The following B4GALT6 variants were observed in gnomAD, a reference collection of about 807,000 sequenced individuals.
The protein encoded by B4GALT6 is UDP-Gal:beta-GlcNAc beta-1,4-galactosyltransferase 6.
Under a neutral mutation model 46.3 loss-of-function variants are expected in B4GALT6, and 14 were observed. The observed-to-expected ratio is 0.30, with a 90% confidence interval of 0.20 to 0.47. The LOEUF (loss-of-function observed/expected upper bound fraction) is 0.47, where lower values mean the gene tolerates loss of function less well. B4GALT6 is among the 20% of genes least tolerant of loss of function. B4GALT6 has a pLI of 0.99. For synonymous variants in B4GALT6, 168 were observed against 162.0 expected, an observed-to-expected ratio of 1.04 and a Z score of -0.28; for missense variants, 386 against 480.1, an observed-to-expected ratio of 0.80 and a Z score of 1.83.
chr18:31,710,479 T>A, the B4GALT6 span, among the ~76,000 whole-genome samples: 1 of 152,142 alleles, frequency 6.6e-6, no homozygotes, highest in Admixed American at 6.5e-5. Flanking sequence ...CAATGGCAAC[T>A]ATCCTTACAT....
chr18:31,678,072 G>A (rs1278335874), intron 1 of B4GALT6, among the ~76,000 whole-genome samples: 1 of 152,206 alleles, frequency 6.6e-6, no homozygotes. Context: ...CGGACAGGTA[G>A]AGGAGCAGGT....
the B4GALT6 span, among the ~76,000 whole-genome samples, chr18:31,712,287 A>ACTTTTTTTTTT: frequency 5.9e-5 from 5 of 84,646 alleles, no homozygotes; most frequent in Admixed American, 3.3e-4. Context: ...CTGGGACGTT[A>ACTTTTTTTTTT]TTTTTTTTTT....
At chr18:31,668,011 G>A (rs1057072735) in intron 1 of B4GALT6, among the ~76,000 whole-genome samples, 1 of 151,664 alleles carries the variant, frequency 6.6e-6, no homozygotes, top group Non-Finnish European at 1.5e-5. Flanking sequence ...GCAGGAGAAT[G>A]GCTTGAACCC....
At chr18:31,675,921 CAATTAAAATACCTTTCAG>C (rs1484459754) in intron 1 of B4GALT6, among the ~76,000 whole-genome samples, 3 of 152,034 alleles carry the variant, frequency 2.0e-5, no homozygotes, top group Non-Finnish European at 2.9e-5. Flanking sequence ...TGTGTTTTCA[CAATTAAAATACCTTTCAG>C]AATTCCAACT....
chr18:31,634,328 A>C lies in B4GALT6; in HGVS notation c.589-3182T>G, dbSNP rs535435497. On this transcript the variant is annotated intron_variant, in intron 5 of 8. Transcript: ENST00000306851. ...AGTAATGACCTGGCAGTACAAGTAA[A>C]GATGAGCAACTGGGAATGTGGCTGT... is the stretch of plus-strand genomic sequence containing the variant. 4.6e-5 allele frequency among the ~76,000 whole-genome samples: 7 copies of C among 152,378 alleles called. No individual in the cohort carries two copies. In the South Asian group the frequency reaches 1.4e-3, roughly 32 times the overall value.
chr18:31,634,425 G>A (rs1335470121), intron 5 of B4GALT6, among the ~76,000 whole-genome samples: 2 of 152,174 alleles, frequency 1.3e-5, no homozygotes, highest in Admixed American at 6.5e-5. Flanking sequence ...TGACAGCACT[G>A]AGACAGAGGT....
At chr18:31,701,889 G>A in the B4GALT6 span, among the ~76,000 whole-genome samples, 18 of 152,004 alleles carry the variant, frequency 1.2e-4, no homozygotes, top group East Asian at 5.8e-4. Flanking sequence ...AAGCACTTAC[G>A]TAAGAAGAAC....
chr18:31,645,119 A>T (rs897561006), intron 4 of B4GALT6, among the ~76,000 whole-genome samples: 1 of 152,182 alleles, frequency 6.6e-6, no homozygotes, highest in African/African-American at 2.4e-5. Flanking sequence ...ATTACCAGGA[A>T]CTCAAAGAGA....
chr18:31,654,233 C>G (rs548924121), intron 3 of B4GALT6, among the ~76,000 whole-genome samples: 10 of 152,324 alleles, frequency 6.6e-5, no homozygotes, highest in African/African-American at 2.4e-4. Context: ...TATTTTCAGT[C>G]TAATGCAGAG....
At chr18:31,708,833 C>A in the B4GALT6 span, among the ~76,000 whole-genome samples, 39 of 152,132 alleles carry the variant, frequency 2.6e-4, no homozygotes, top group Admixed American at 1.4e-3. Flanking sequence ...GGGAGAGAGG[C>A]CATCCTCAGG....
In B4GALT6 at chr18:31,666,236, T is replaced by C. The variant is rs754011587; in HGVS notation, c.232+20A>G. On this transcript the variant is annotated intron_variant, in intron 2 of 8. Transcript: ENST00000306851. ...TTACTGCTTTGTAACTACAAGGGGT[T>C]AAGCAGGAAGTAGTCTTACCTGTAC... is the stretch of plus-strand genomic sequence containing the variant. 1.1e-5 allele frequency: 15 copies of C among 1,416,844 alleles called. No homozygotes were observed. In the Middle Eastern group the frequency reaches 1.9e-3, roughly 184 times the overall value. 87.8% of individuals were successfully genotyped at this position (1,416,844 alleles called of 1,614,324 possible).
At chr18:31,704,685 A>G in the B4GALT6 span, among the ~76,000 whole-genome samples, 1 of 152,198 alleles carries the variant, frequency 6.6e-6, no homozygotes, top group African/African-American at 2.4e-5. Flanking sequence ...CTCACCAACA[A>G]TACATACTTG....
the B4GALT6 span, among the ~76,000 whole-genome samples, chr18:31,705,655 TG>T: frequency 5.3e-5 from 8 of 152,348 alleles, no homozygotes; most frequent in African/African-American, 1.7e-4. Flanking sequence ...CCCAAAGTGC[TG>T]GGATTACAGG....
chr18:31,664,707 T>C (rs1042557281), intron 2 of B4GALT6, among the ~76,000 whole-genome samples: 3 of 152,202 alleles, frequency 2.0e-5, no homozygotes, highest in African/African-American at 4.8e-5. Context: ...AGATGTCTAT[T>C]TCCTTTCAGT....
intron 3 of B4GALT6, 65 bp downstream of exon 3, chr18:31,657,911 T>C: frequency 7.8e-7 from 1 of 1,281,080 alleles, no homozygotes; most frequent in Non-Finnish European, 1.1e-6. Context: ...ACTCAAATCA[T>C]GTGGTTTTTA....
the B4GALT6 span, among the ~76,000 whole-genome samples, chr18:31,707,561 G>A: frequency 6.6e-6 from 1 of 151,934 alleles, no homozygotes; most frequent in Non-Finnish European, 1.5e-5. Flanking sequence ...AATTTAGAAT[G>A]GTCAAAAAGA....
intron 3 of B4GALT6, among the ~76,000 whole-genome samples, chr18:31,647,242 A>T (rs2144591747): frequency 6.6e-6 from 1 of 152,326 alleles, no homozygotes; most frequent in Admixed American, 6.5e-5. Flanking sequence ...TGCACTGTTA[A>T]ACCACATTTT....
At chr18:31,686,035 A>C (rs903976135), upstream of B4GALT6, 1 of 152,296 alleles carries the variant, frequency 6.6e-6, no homozygotes, top group Non-Finnish European at 1.5e-5. Flanking sequence ...AGGCAAACGG[A>C]CGGGTGTCTT....
chr18:31,650,516 C>T (rs949187990), intron 3 of B4GALT6, among the ~76,000 whole-genome samples: 1 of 152,198 alleles, frequency 6.6e-6, no homozygotes, highest in South Asian at 2.1e-4. Flanking sequence ...CAGACCTGAG[C>T]AATGCTGGTA....
Sources: gnomAD v4.1 joint callset for allele counts (sites outside exome capture counted in the v4.1 genomes callset) on GRCh38, gnomAD v4.1.1 for gene constraint, MANE v1.5 for transcripts, NCBI Gene and HGNC (gene_info 2026-07-23, HGNC 2026-07-21) for gene names.